UGT1A9: variants seen among roughly 807,000 people sequenced by gnomAD.
UGT1A9 encodes UDP glucuronosyltransferase family 1 member A9, also known as UDP-glucuronosyltransferase 1A9.
Under a neutral mutation model 45.0 loss-of-function variants are expected in UGT1A9, and 35 were observed. That is an observed-to-expected ratio of 0.78 (90% CI 0.59 to 1.03). UGT1A9 has a LOEUF of 1.03. Ranked by LOEUF, UGT1A9 falls within the 50% of genes least tolerant of loss-of-function variation. UGT1A9 has a pLI of 0.00. For synonymous variants in UGT1A9, 278 were observed against 250.6 expected (o/e 1.11, Z -1.03); for missense variants, 687 against 666.6 (o/e 1.03, Z -0.34).
In UGT1A9 at chr2:233,755,048, C is replaced by T; in HGVS notation, c.856-11986C>T. ...AGGGCCTGCCGCCTGCGCAGCCGCC[C>T]TCCGCCCTCGCCTCGCCATAGCGGT... On this transcript the variant is annotated intron_variant, in intron 1 of 4. Transcript: ENST00000354728. 4 of 1,330,776 alleles carry T rather than the reference C, an allele frequency of 3.0e-6. No homozygotes were observed. In the South Asian group the frequency reaches 3.4e-5, roughly 11 times the overall value. The allele number at this position is 1,330,776 out of a possible 1,614,324, so 82.4% of individuals were successfully genotyped here.
Position 233,769,575 on chromosome 2 carries a change from G to A in UGT1A9, c.1295+1136G>A. On this transcript the variant is annotated intron_variant, in intron 4 of 4. Coordinates refer to ENST00000354728, the MANE Select transcript of UGT1A9 (RefSeq NM_021027.3). The surrounding 1 kb of genome is among the most constrained non-coding windows in gnomAD (Gnocchi z 4.4). ...AGACAGATGTGAAGAGCTGGAGCAT[G>A]TTCAGATGAGAGGAGACGGAACACG... The A allele has an allele frequency of 6.2e-7, 1 of 1,612,906 alleles. No homozygotes were observed. Among genetic ancestry groups the A allele is most frequent in the Middle Eastern group, 1.7e-4 (1 of 6,060 alleles).
intron 1 of UGT1A9, among the ~76,000 whole-genome samples, chr2:233,712,193 C>G (rs144263331): frequency 3.9e-5 from 6 of 152,220 alleles, no homozygotes; most frequent in African/African-American, 1.4e-4. Flanking sequence ...CCAGCTCCCC[C>G]GGTCCCTTGG....
rs528561296 is a variant in UGT1A9 at position 233,741,118 on chromosome 2, C to T, written c.856-25916C>T. On this transcript the variant is annotated intron_variant, in intron 1 of 4. Transcript: ENST00000354728. Reference sequence around the variant, plus strand: ...AAACAGACAATCAAGCTTTACACTTCTATAAAAGCAACACTTTCCATTTAT... The same window carrying T: ...AAACAGACAATCAAGCTTTACACTTTTATAAAAGCAACACTTTCCATTTAT... Among the ~76,000 whole-genome samples the T allele has an allele frequency of 4.6e-4, 70 of 151,828 alleles. 2 individuals are homozygous for T. Among genetic ancestry groups the T allele is most frequent in the African/African-American group, 1.6e-3 (68 of 41,226 alleles).
Position 233,767,942 on chromosome 2 carries a change from T to C in UGT1A9, c.1075+6T>C, listed in dbSNP as rs1198417535. The stretch of plus-strand genomic sequence containing the variant: ...ACCCCAAAACGATCTGCTTGGTATG[T>C]TGGGCGGATTGGATGTATAGGTCAA... On this transcript the variant is annotated splice_donor_region_variant and intron_variant, in intron 3 of 4. Transcript: ENST00000354728. The C allele has an allele frequency of 3.7e-6, 6 of 1,614,092 alleles. No individual in the cohort carries two copies. The East Asian group carries it at 1.1e-4, about 30-fold the overall frequency.
chr2:233,680,877 T>C (rs573475501), intron 1 of UGT1A9, among the ~76,000 whole-genome samples: 6 of 151,842 alleles, frequency 4.0e-5, no homozygotes, highest in Admixed American at 6.6e-5. Flanking sequence ...TGGGCAAGCA[T>C]AGGGACGGCG....
intron 1 of UGT1A9, among the ~76,000 whole-genome samples, chr2:233,686,945 C>G (rs1438095246): frequency 1.3e-5 from 2 of 152,326 alleles, no homozygotes; most frequent in African/African-American, 2.4e-5. Context: ...TGCAGGGAAG[C>G]TGTCAGTAAT....
chr2:233,707,729 C>T (rs1575486988), intron 1 of UGT1A9, among the ~76,000 whole-genome samples: 1 of 152,064 alleles, frequency 6.6e-6, no homozygotes, highest in South Asian at 2.1e-4. Flanking sequence ...AATGTTACAA[C>T]GAACATTCTT....
chr2:233,693,016 C>T (rs769422699), intron 1 of UGT1A9: 76 of 1,613,998 alleles, frequency 4.7e-5, no homozygotes, highest in Non-Finnish European at 5.9e-5. Flanking sequence ...TGGCCTGCCT[C>T]CTTCGCTCAT....
chr2:233,672,797 A>T lies in UGT1A9; in HGVS notation c.855+8A>T. 6.2e-7 allele frequency: 1 copy of T among 1,612,736 alleles called. No homozygotes were observed. Among genetic ancestry groups the T allele is most frequent in the Non-Finnish European group, 8.5e-7 (1 of 1,179,038 alleles). On this transcript the variant is annotated splice_region_variant and intron_variant, in intron 1 of 4. Coordinates refer to ENST00000354728, the MANE Select transcript of UGT1A9 (RefSeq NM_021027.3). ...GGAAAGCCGTTGCCTATGGTAAGTT[A>T]TCTCTCCTTTAGCACCTTAAGAATA... is the stretch of plus-strand genomic sequence containing the variant.
chr2:233,729,149 C>T, intron 1 of UGT1A9: 2 of 1,613,488 alleles, frequency 1.2e-6, no homozygotes, highest in Non-Finnish European at 1.7e-6. Flanking sequence ...CTCCAGGTTC[C>T]CCTGCCGTGG....
chr2:233,717,710 C>A, intron 1 of UGT1A9: 2 of 452,848 alleles, frequency 4.4e-6, no homozygotes, highest in Non-Finnish European at 8.9e-6. Context: ...CAGGACGAGC[C>A]TCATGGGCAT....
chr2:233,723,624 C>T (rs1286064208), intron 1 of UGT1A9, among the ~76,000 whole-genome samples: 6 of 104,762 alleles, frequency 5.7e-5, no homozygotes, highest in Admixed American at 2.0e-4. Context: ...GGAAGGTCAG[C>T]AGATAAACAA....
Position 233,671,932 on chromosome 2 carries a change from C to T in UGT1A9, c.-3C>T. 6.2e-7 allele frequency: 1 copy of T among 1,603,886 alleles called. No homozygotes were observed. Among genetic ancestry groups the T allele is most frequent in the Non-Finnish European group, 8.5e-7 (1 of 1,174,820 alleles). ...GCTGCTTGCTCTCAGCTGCAGTTCT[C>T]TGATGGCTTGCACAGGGTGGACCAG... On this transcript the variant is annotated 5_prime_UTR_variant, in exon 1 of 5. Transcript: ENST00000354728.
intron 1 of UGT1A9, chr2:233,747,628 G>A (rs767343717): frequency 1.6e-4 from 253 of 1,579,014 alleles, no homozygotes; most frequent in Non-Finnish European, 2.0e-4. Flanking sequence ...GCCCTGATCA[G>A]GCACCTGAAT....
In UGT1A9 at chr2:233,768,239, C is replaced by A. The variant is rs1699593098; in HGVS notation, c.1095C>A (p.Ala365=). Residue 365 remains alanine (A), a synonymous_variant, in exon 4 of 5, where the codon GCC becomes GCA. Coordinates refer to ENST00000354728, the MANE Select transcript of UGT1A9 (RefSeq NM_021027.3). ...NDLLGHPMTR[A]FITHAGSHGV... ...TCTCAGGTCACCCGATGACCCGTGC[C>A]TTTATCACCCATGCTGGTTCCCATG... 1 of 1,614,058 alleles carries A rather than the reference C, an allele frequency of 6.2e-7. No individual in the cohort carries two copies. The highest frequency in any genetic ancestry group is 1.3e-5 in the African/African-American group (1 of 74,904).
intron 1 of UGT1A9, chr2:233,747,696 G>C (rs1693755189): frequency 1.2e-6 from 2 of 1,611,556 alleles, no homozygotes; most frequent in Admixed American, 1.7e-5. Context: ...GGCAGTGCTG[G>C]CTAAGTACCT....
At chr2:233,718,781 G>T (rs767988524) in intron 1 of UGT1A9, 21 of 1,613,022 alleles carry the variant, frequency 1.3e-5, no homozygotes, top group Non-Finnish European at 1.7e-5. Context: ...AGCAGGCACA[G>T]CGTGGGGTGG....
intron 1 of UGT1A9, chr2:233,748,039 T>A: frequency 1.2e-6 from 2 of 1,613,500 alleles, no homozygotes; most frequent in South Asian, 1.1e-5. Flanking sequence ...ATGGTCTTCA[T>A]TGGGGGCATC....
At chr2:233,678,737 T>C (rs1383444889) in intron 1 of UGT1A9, among the ~76,000 whole-genome samples, 1 of 150,274 alleles carries the variant, frequency 6.7e-6, no homozygotes, top group African/African-American at 2.4e-5. Flanking sequence ...CAAGTACTGA[T>C]TGGAAAGCAC....
Sources: gnomAD v4.1 joint callset for allele counts (sites outside exome capture counted in the v4.1 genomes callset) on GRCh38, gnomAD v4.1.1 for gene constraint, Gnocchi (gnomAD v3.1) non-coding constraint, MANE v1.5 for transcripts, NCBI Gene and HGNC (gene_info 2026-07-23, HGNC 2026-07-21) for gene names.